ITGB2: variants seen among roughly 807,000 people sequenced by gnomAD.
The protein encoded by ITGB2 is integrin subunit beta 2, also known as integrin beta-2.
Under a neutral mutation model 86.8 loss-of-function variants are expected in ITGB2, and 56 were observed. The observed-to-expected ratio is 0.65, with a 90% CI of 0.52 to 0.81. The LOEUF (loss-of-function observed/expected upper bound fraction) is 0.81. Ranked by LOEUF, ITGB2 falls within the 30% of genes least tolerant of loss-of-function variation. The probability of loss-of-function intolerance (pLI) is 0.00; values close to 1 mark genes in which losing one functional copy is unlikely to be tolerated. For synonymous variants in ITGB2, 457 were observed against 450.4 expected (o/e 1.01, Z -0.19); for missense variants, 948 against 1,061.2 (o/e 0.89, Z 1.48).
chr21:44,897,086 C>T (rs1240988842), intron 8 of ITGB2, among the ~76,000 whole-genome samples: 2 of 152,182 alleles, frequency 1.3e-5, no homozygotes, highest in African/African-American at 4.8e-5. Context: ...CTCTGGGTGC[C>T]CACTCGGAGG....
rs6570 is a variant in ITGB2 at position 44,886,197 on chromosome 21, C to G, written c.*171G>C. The G allele has an allele frequency of 0.034, 22,701 of 675,362 alleles. 3,690 individuals carry two copies. The African/African-American group carries it at 0.35, about 10-fold the overall frequency. 41.8% of individuals were successfully genotyped at this position (675,362 alleles called of 1,614,324 possible). ...GCCAGTCAGAGTGGAGCTGTCCCCC[C>G]GACGAGCCCCCAGAAGCACCCGGCC... On this transcript the variant is annotated 3_prime_UTR_variant, in exon 16 of 16. Coordinates refer to ENST00000652462, the MANE Select transcript of ITGB2 (RefSeq NM_000211.5).
chr21:44,923,660 A>G (rs1194184672), upstream of ITGB2, among the ~76,000 whole-genome samples: 1 of 152,244 alleles, frequency 6.6e-6, no homozygotes, highest in Non-Finnish European at 1.5e-5. Flanking sequence ...TCGCGGGTAT[A>G]AAGTTCCCGT....
intron 14 of ITGB2, among the ~76,000 whole-genome samples, chr21:44,888,243 C>T (rs1457419520): frequency 6.6e-6 from 1 of 152,198 alleles, no homozygotes; most frequent in African/African-American, 2.4e-5. Flanking sequence ...GCCTGGTGGC[C>T]CTGGGCCCCT....
At position 44,892,604 on chromosome 21, in the gene ITGB2, C is replaced by CAAAAAAAA. The variant is rs11327948; in HGVS notation, c.1225-616_1225-609dup. ...TGGGCGACAGAGCGAAACTCCATCT[C>CAAAAAAAA]AAAAAAAAAAAAAAAAAAAAAAATC... is the stretch of plus-strand genomic sequence containing the variant. On this transcript the variant is annotated intron_variant, in intron 10 of 15. Transcript: ENST00000652462. Among the ~76,000 whole-genome samples the CAAAAAAAA allele has an allele frequency of 4.4e-4, 31 of 71,140 alleles. 1 individual carries two copies. Among genetic ancestry groups the CAAAAAAAA allele is most frequent in the African/African-American group, 6.0e-4 (11 of 18,282 alleles). The allele number at this position is 71,140 out of a possible 152,430, so 46.7% of individuals were successfully genotyped here. A position where few individuals can be genotyped will look rare whatever the true frequency, so the allele number is the denominator to read the frequency against.
chr21:44,899,411 G>T (rs2083914841), intron 7 of ITGB2, among the ~76,000 whole-genome samples: 1 of 152,242 alleles, frequency 6.6e-6, no homozygotes. Context: ...CTCACCGTGG[G>T]ACTGGGGATG....
intron 6 of ITGB2, among the ~76,000 whole-genome samples, chr21:44,901,280 C>T (rs944526174): frequency 2.6e-5 from 4 of 152,248 alleles, no homozygotes; most frequent in East Asian, 1.9e-4. Context: ...ATGAAATCAG[C>T]GCATGATTTT....
intron 9 of ITGB2, chr21:44,893,913 G>A (rs1344526019): frequency 2.9e-6 from 1 of 347,242 alleles, no homozygotes; most frequent in Non-Finnish European, 5.7e-6. Context: ...GACAGAGATG[G>A]GCAGAGCCAG....
At chr21:44,910,006 G>C (rs1367945900) in intron 3 of ITGB2, among the ~76,000 whole-genome samples, 3 of 152,212 alleles carry the variant, frequency 2.0e-5, no homozygotes, top group African/African-American at 4.8e-5. Flanking sequence ...TCTTAAGAAA[G>C]ACCTCCCTTG....
intron 1 of ITGB2, among the ~76,000 whole-genome samples, chr21:44,916,594 A>G (rs7277900): frequency 0.83 from 126,441 of 152,110 alleles, 52,621 homozygotes; most frequent in Middle Eastern, 0.87. Flanking sequence ...GAGGCCGGGC[A>G]TGGTGGCTCA....
intron 14 of ITGB2, among the ~76,000 whole-genome samples, chr21:44,888,388 C>T (rs1294726429): frequency 1.3e-5 from 2 of 152,254 alleles, no homozygotes; most frequent in African/African-American, 4.8e-5. Context: ...GGAGATGGCC[C>T]GGGCCGTGTG....
chr21:44,896,947 G>A (rs754981707), intron 8 of ITGB2, among the ~76,000 whole-genome samples: 5 of 152,340 alleles, frequency 3.3e-5, no homozygotes, highest in Middle Eastern at 6.8e-3. Flanking sequence ...CTGCTGGTGA[G>A]GAGGGGACCG....
chr21:44,901,492 C>T lies in ITGB2; in HGVS notation c.741G>A (p.Pro247=), dbSNP rs139329623. The change falls in exon 6 of 16, where the codon CCG becomes CCA. Residue 247 remains proline, a splice_region_variant and synonymous_variant. Transcript: ENST00000652462. The part of the protein sequence containing the change: ...LDAMMQVAAC[P]EEIGWRNVTR... ...ACCCAAGCAGGGGCAGCGGCCTCAC[C>T]GGGCAGGCGGCGACCTGCATCATGG... The T allele has an allele frequency of 1.9e-6, 3 of 1,613,760 alleles. No individual in the cohort carries two copies. Among genetic ancestry groups the T allele is most frequent in the African/African-American group, 2.7e-5 (2 of 74,902 alleles).
intron 13 of ITGB2, 121 bp downstream of exon 13, chr21:44,889,155 A>C: frequency 1.0e-6 from 1 of 965,350 alleles, no homozygotes; most frequent in Non-Finnish European, 1.6e-6. Flanking sequence ...GTCCAGACGC[A>C]CCCGCAGAGA....
chr21:44,910,188 G>T, intron 3 of ITGB2, 96 bp downstream of exon 3: 1 of 1,491,346 alleles, frequency 6.7e-7, no homozygotes, highest in Non-Finnish European at 9.1e-7. Flanking sequence ...AAAGAAAATG[G>T]AGTTGTTGGT....
intron 1 of ITGB2, among the ~76,000 whole-genome samples, chr21:44,915,553 G>A (rs918041910): frequency 6.6e-6 from 1 of 152,208 alleles, no homozygotes; most frequent in African/African-American, 2.4e-5. Flanking sequence ...GGACATGGGA[G>A]CCAACCCCTG....
chr21:44,906,865 C>A, intron 4 of ITGB2, 50 bp downstream of exon 4: 1 of 1,602,574 alleles, frequency 6.2e-7, no homozygotes, highest in South Asian at 1.1e-5. Flanking sequence ...CAGCCAGAGC[C>A]AATAACCAGC....
intron 11 of ITGB2, 62 bp from the exon 12 acceptor site, chr21:44,890,284 G>T: frequency 3.1e-6 from 5 of 1,600,682 alleles, no homozygotes; most frequent in Non-Finnish European, 3.4e-6. Flanking sequence ...AGGGACAGCC[G>T]CCCTGTCCTC....
intron 10 of ITGB2, chr21:44,893,172 G>A: frequency 2.0e-6 from 1 of 512,124 alleles, no homozygotes; most frequent in Non-Finnish European, 3.6e-6. Flanking sequence ...TCGGCAGAGA[G>A]GATGTGAAGG....
chr21:44,893,684 A>ATCCT, intron 9 of ITGB2, 140 bp from the exon 10 acceptor site: 3 of 1,159,808 alleles, frequency 2.6e-6, no homozygotes, highest in Non-Finnish European at 2.5e-6. Flanking sequence ...AGGAGAGCAC[A>ATCCT]GCAGGATGTG....
Sources: gnomAD v4.1 joint callset for allele counts (sites outside exome capture counted in the v4.1 genomes callset) on GRCh38, gnomAD v4.1.1 for gene constraint, MANE v1.5 for transcripts, NCBI Gene and HGNC (gene_info 2026-07-23, HGNC 2026-07-21) for gene names.